NDST4: variants seen among roughly 807,000 people sequenced by gnomAD.
NDST4 encodes N-heparan sulfate sulfotransferase 4.
A neutral mutation model predicts 100.8 loss-of-function variants in NDST4; 63 were observed. That is an observed-to-expected ratio of 0.62 (90% CI 0.51 to 0.77). The LOEUF (loss-of-function observed/expected upper bound fraction) is 0.77. Ranked by LOEUF, NDST4 falls within the 30% of genes least tolerant of loss-of-function variation. The pLI is 0.00. For missense variants in NDST4, 943 were observed against 1,018.4 expected, an observed-to-expected ratio of 0.93 and a Z score of 1.01; for synonymous variants, 377 against 361.8, an observed-to-expected ratio of 1.04 and a Z score of -0.48.
rs940765051 is a variant in NDST4, at chr4:114,926,194, G to A, written c.1536+9012C>T. Among the ~76,000 whole-genome samples the A allele has an allele frequency of 5.9e-5, 9 of 152,228 alleles. 1 individual carries two copies. The highest frequency in any genetic ancestry group is 5.9e-4 in the Admixed American group (9 of 15,298). The stretch of plus-strand genomic sequence containing the variant: ...AAATATCAATATGTGATGAAGGCAT[G>A]ATAAGAATCTAAGAAAAATAAGAGG... On this transcript the variant is annotated intron_variant, in intron 6 of 13. Transcript: ENST00000264363.
chr4:115,013,370 T>TATACAC lies in NDST4; in HGVS notation c.979-36097_979-36096insGTGTAT, dbSNP rs74678897. ...CCATATATATATATATATATATATA[T>TATACAC]ACACACACATACATACCTAATATGT... On this transcript the variant is annotated intron_variant, in intron 2 of 13. Coordinates refer to ENST00000264363, the MANE Select transcript of NDST4 (RefSeq NM_022569.3). Among the ~76,000 whole-genome samples, 105 of 71,464 alleles carry TATACAC rather than the reference T, an allele frequency of 1.5e-3. 1 individual carries two copies. The highest frequency in any genetic ancestry group is 4.1e-3 in the African/African-American group (100 of 24,140). 46.9% of individuals were successfully genotyped at this position (71,464 alleles called of 152,430 possible). A position where few individuals can be genotyped will look rare whatever the true frequency, so the allele number is the denominator to read the frequency against.
intron 6 of NDST4, among the ~76,000 whole-genome samples, chr4:114,904,680 G>C (rs1235361160): frequency 6.6e-6 from 1 of 151,542 alleles, no homozygotes. Flanking sequence ...TTGACAGAAA[G>C]AATGTTGTGT....
intron 1 of NDST4, among the ~76,000 whole-genome samples, chr4:115,078,108 G>T (rs1478271885): frequency 6.6e-6 from 1 of 151,972 alleles, no homozygotes; most frequent in South Asian, 2.1e-4. Context: ...GTATTATTTT[G>T]TTCTTGTATT....
rs1578496748 is a variant in NDST4, at chr4:115,068,208, C to G, written c.978+7851G>C. Among the ~76,000 whole-genome samples, 4 of 151,898 alleles carry G rather than the reference C, an allele frequency of 2.6e-5. No individual in the cohort carries two copies. In the South Asian group the frequency reaches 6.2e-4, roughly 24 times the overall value. On this transcript the variant is annotated intron_variant, in intron 2 of 13. Transcript: ENST00000264363. ...ATTTGTACAATATATTACTTTTTCACTTTATAGTTTTGAGCCTATGGTTTT... is the reference window on the plus strand; with the variant it reads ...ATTTGTACAATATATTACTTTTTCAGTTTATAGTTTTGAGCCTATGGTTTT...
At chr4:114,958,686 C>T (rs1726194612) in intron 4 of NDST4, among the ~76,000 whole-genome samples, 2 of 152,138 alleles carry the variant, frequency 1.3e-5, no homozygotes, top group South Asian at 4.1e-4. Context: ...ATGGGAGGAG[C>T]TGCCATGACA....
At chr4:115,020,020 A>G (rs889611846) in intron 2 of NDST4, among the ~76,000 whole-genome samples, 3 of 152,164 alleles carry the variant, frequency 2.0e-5, no homozygotes, top group African/African-American at 7.2e-5. Flanking sequence ...GATTATTGCC[A>G]TAACAGCCTG....
At chr4:115,041,132 G>A (rs1728340008) in intron 2 of NDST4, among the ~76,000 whole-genome samples, 1 of 152,032 alleles carries the variant, frequency 6.6e-6, no homozygotes, top group African/African-American at 2.4e-5. Flanking sequence ...TAGAGGCATT[G>A]ATCATTGATA....
intron 2 of NDST4, among the ~76,000 whole-genome samples, chr4:115,058,695 C>G (rs1728752907): frequency 6.6e-6 from 1 of 151,980 alleles, no homozygotes; most frequent in South Asian, 2.1e-4. Flanking sequence ...GAGGTAAAGG[C>G]AACAACGTTT....
rs566390951 is a variant in NDST4, at chr4:115,014,804, T to C, written c.979-37530A>G. On this transcript the variant is annotated intron_variant, in intron 2 of 13. Transcript: ENST00000264363. ...AACTACTCTACTTTTGGAAAACATC[T>C]TTTGGCCTACTGGACCTTATTAGGT... Among the ~76,000 whole-genome samples, 154 of 152,160 alleles carry C rather than the reference T, an allele frequency of 1.0e-3. 8 individuals carry two copies. The South Asian group carries it at 0.031, about 31-fold the overall frequency.
chr4:114,893,294 G>A (rs904916806), intron 6 of NDST4, among the ~76,000 whole-genome samples: 4 of 152,038 alleles, frequency 2.6e-5, no homozygotes, highest in African/African-American at 9.7e-5. Flanking sequence ...GGTATTTCTG[G>A]TTCTAGATCC....
chr4:114,863,886 C>A (rs770385360), intron 7 of NDST4, among the ~76,000 whole-genome samples: 25 of 152,290 alleles, frequency 1.6e-4, no homozygotes, highest in South Asian at 6.2e-4. Flanking sequence ...ATGTTCCTTG[C>A]AAGGGCAGAA....
intron 1 of NDST4, among the ~76,000 whole-genome samples, chr4:115,097,226 C>T (rs975449696): frequency 6.6e-6 from 1 of 152,032 alleles, no homozygotes; most frequent in African/African-American, 2.4e-5. Flanking sequence ...TTTACGCTTC[C>T]AGCTAAATCT....
intron 2 of NDST4, among the ~76,000 whole-genome samples, chr4:115,022,352 T>G (rs1467996599): frequency 6.7e-6 from 1 of 149,898 alleles, no homozygotes; most frequent in South Asian, 2.1e-4. Context: ...TACATATGTG[T>G]TCCACGTACA....
At chr4:115,009,895 C>A (rs1335688708) in intron 2 of NDST4, among the ~76,000 whole-genome samples, 1 of 93,822 alleles carries the variant, frequency 1.1e-5, no homozygotes, top group Non-Finnish European at 2.1e-5. Flanking sequence ...AGACACTTCT[C>A]AAAAGAAGAC....
rs139063987 is a variant in NDST4, at chr4:115,002,605, C to T, written c.979-25331G>A. Among the ~76,000 whole-genome samples, 183 of 152,208 alleles carry T rather than the reference C, an allele frequency of 1.2e-3. 1 individual carries two copies. The highest frequency in any genetic ancestry group is 4.3e-3 in the African/African-American group (179 of 41,554). ...TCCTGAATCGTATTGCCTAGGTGTTCTTCTAGTTTTTATGGTTTTAGGTTT... is the reference window on the plus strand; with the variant it reads ...TCCTGAATCGTATTGCCTAGGTGTTTTTCTAGTTTTTATGGTTTTAGGTTT... On this transcript the variant is annotated intron_variant, in intron 2 of 13. Transcript: ENST00000264363.
intron 6 of NDST4, among the ~76,000 whole-genome samples, chr4:114,902,078 CT>C (rs1724853462): frequency 6.6e-6 from 1 of 151,946 alleles, no homozygotes; most frequent in Admixed American, 6.6e-5. Flanking sequence ...TGACTAAATA[CT>C]TTGTTGCTAT....
chr4:114,891,642 C>T (rs1232214511), intron 6 of NDST4, among the ~76,000 whole-genome samples: 1 of 152,044 alleles, frequency 6.6e-6, no homozygotes, highest in Non-Finnish European at 1.5e-5. Context: ...CAGGAATCTT[C>T]TGATTGGTCT....
chr4:114,935,396 C>A, intron 5 of NDST4, 62 bp from the exon 6 acceptor site: 2 of 1,415,304 alleles, frequency 1.4e-6, no homozygotes, highest in Non-Finnish European at 1.9e-6. Flanking sequence ...TCACCTGTGT[C>A]TCATAACTTT....
Position 115,067,699 on chromosome 4 carries a change from CCTT to C in NDST4, c.978+8357_978+8359del, listed in dbSNP as rs568238697. Among the ~76,000 whole-genome samples the C allele has an allele frequency of 3.5e-3, 535 of 151,456 alleles. 3 individuals are homozygous for C. Among genetic ancestry groups the C allele is most frequent in the African/African-American group, 0.012 (509 of 41,332 alleles). On this transcript the variant is annotated intron_variant, in intron 2 of 13. Coordinates refer to ENST00000264363, the MANE Select transcript of NDST4 (RefSeq NM_022569.3). ...ATATTTACATTACTAATGGAAGAGT[CCTT>C]CTTAAATATAGTAACCTTATCATTT...
Sources: gnomAD v4.1 joint callset for allele counts (sites outside exome capture counted in the v4.1 genomes callset) on GRCh38, gnomAD v4.1.1 for gene constraint, MANE v1.5 for transcripts, NCBI Gene and HGNC (gene_info 2026-07-23, HGNC 2026-07-21) for gene names.